RAB6A: variants seen among roughly 807,000 people sequenced by gnomAD.
RAB6A encodes the protein RAB6A, member RAS oncogene family, also known as ras-related protein Rab-6A.
In RAB6A, 8 loss-of-function variants were observed where a neutral mutation model predicts 32.3. The observed-to-expected ratio is 0.25, with a 90% CI of 0.15 to 0.45. RAB6A has a LOEUF of 0.45. Among genes scored for constraint, RAB6A ranks in the 20% least tolerant of loss-of-function variants. RAB6A has a pLI of 1.00. For synonymous variants in RAB6A, 73 were observed against 82.1 expected, an observed-to-expected ratio of 0.89 and a Z score of 0.60; for missense variants, 104 against 249.4, an observed-to-expected ratio of 0.42 and a Z score of 3.93.
chr11:73,719,051 TC>T (rs1293158099), intron 3 of RAB6A, among the ~76,000 whole-genome samples: 3 of 152,014 alleles, frequency 2.0e-5, no homozygotes, highest in Non-Finnish European at 2.9e-5. Flanking sequence ...AACACAAAAC[TC>T]CTTTTTCAAA....
intron 2 of RAB6A, among the ~76,000 whole-genome samples, chr11:73,725,150 T>G (rs906223470): frequency 3.3e-5 from 5 of 152,200 alleles, no homozygotes; most frequent in African/African-American, 1.2e-4. Context: ...ATAAGGGCAT[T>G]CCTGCCTTAT....
chr11:73,735,618 CTTTAA>C (rs758939991), intron 1 of RAB6A, among the ~76,000 whole-genome samples: 3 of 152,048 alleles, frequency 2.0e-5, no homozygotes, highest in Non-Finnish European at 4.4e-5. Context: ...TATCTCAGGC[CTTTAA>C]CAAGGACCAT....
intron 6 of RAB6A, among the ~76,000 whole-genome samples, chr11:73,683,247 C>T (rs891001378): frequency 7.5e-6 from 1 of 132,818 alleles, no homozygotes; most frequent in African/African-American, 2.8e-5. Flanking sequence ...CGATATAGAC[C>T]CATCTTTTTT....
Position 73,676,257 on chromosome 11 carries a change from A to C in RAB6A, c.*1641T>G, listed in dbSNP as rs942525156. 4.8e-5 allele frequency: 8 copies of C among 167,138 alleles called. No individual in the cohort carries two copies. Among genetic ancestry groups the C allele is most frequent in the Non-Finnish European group, 1.2e-4 (8 of 68,130 alleles). 10.4% of individuals were successfully genotyped at this position (167,138 alleles called of 1,614,324 possible). A position where few individuals can be genotyped will look rare whatever the true frequency, so the allele number is the denominator to read the frequency against. Reference sequence around the variant, plus strand: ...TACTGTGTTAAGTAATGCTTACAACATAAATTCAGCAGGCTTTTCCTGAGC... The same window carrying C: ...TACTGTGTTAAGTAATGCTTACAACCTAAATTCAGCAGGCTTTTCCTGAGC... On this transcript the variant is annotated 3_prime_UTR_variant, in exon 8 of 8. Coordinates refer to ENST00000336083, the MANE Select transcript of RAB6A (RefSeq NM_198896.2).
chr11:73,757,094 C>CATACATACATATATATATATATATAT (rs1219774899), intron 1 of RAB6A, among the ~76,000 whole-genome samples: 14 of 70,056 alleles, frequency 2.0e-4, no homozygotes, highest in African/African-American at 8.0e-4. Flanking sequence ...CTTAAATATA[C>CATACATACATATATATATATATATAT]ATACATATAT....
At chr11:73,701,019 A>C (rs951422953) in intron 6 of RAB6A, among the ~76,000 whole-genome samples, 2 of 152,188 alleles carry the variant, frequency 1.3e-5, no homozygotes, top group Admixed American at 1.3e-4. Context: ...TCTCACAATT[A>C]TTTAAAAAGA....
intron 1 of RAB6A, among the ~76,000 whole-genome samples, chr11:73,736,199 C>T (rs7925514): frequency 0.48 from 73,298 of 151,592 alleles, 19,060 homozygotes; most frequent in East Asian, 0.6. Flanking sequence ...GAGGCCAAGG[C>T]GGGCAGATGA....
intron 6 of RAB6A, among the ~76,000 whole-genome samples, chr11:73,681,924 T>C (rs1252584239): frequency 6.6e-6 from 1 of 152,198 alleles, no homozygotes; most frequent in Non-Finnish European, 1.5e-5. Flanking sequence ...TCTAATTGTC[T>C]TGTTTCTATA....
intron 1 of RAB6A, among the ~76,000 whole-genome samples, chr11:73,731,731 TACACAC>T (rs148400595): frequency 1.3e-3 from 22 of 16,984 alleles, no homozygotes; most frequent in South Asian, 9.5e-3. Context: ...TATATATATA[TACACAC>T]ACACACACAT....
chr11:73,682,562 C>G (rs1565343838), intron 6 of RAB6A, among the ~76,000 whole-genome samples: 1 of 152,134 alleles, frequency 6.6e-6, no homozygotes, highest in Non-Finnish European at 1.5e-5. Context: ...ACTAGGGAAG[C>G]TGAGGCAGGA....
intron 5 of RAB6A, among the ~76,000 whole-genome samples, chr11:73,712,881 C>T (rs1201544266): frequency 6.6e-6 from 1 of 151,820 alleles, no homozygotes; most frequent in Non-Finnish European, 1.5e-5. Context: ...CTTCACCTGG[C>T]TAATTTTTAT....
chr11:73,731,901 C>G (rs189200657), intron 1 of RAB6A, among the ~76,000 whole-genome samples: 1 of 150,792 alleles, frequency 6.6e-6, no homozygotes, highest in Admixed American at 6.6e-5. Flanking sequence ...GCCACCATGC[C>G]GAGCTAATTT....
At chr11:73,744,836 A>G (rs1334097043) in intron 1 of RAB6A, among the ~76,000 whole-genome samples, 2 of 151,152 alleles carry the variant, frequency 1.3e-5, no homozygotes, top group African/African-American at 4.9e-5. Context: ...TTAGCTGGGC[A>G]TGGTGATGCA....
At chr11:73,755,222 C>T (rs1012421406) in intron 1 of RAB6A, among the ~76,000 whole-genome samples, 1 of 152,078 alleles carries the variant, frequency 6.6e-6, no homozygotes, top group Admixed American at 6.6e-5. Flanking sequence ...TGAGCCACCA[C>T]GCTCGGCCCT....
chr11:73,742,261 G>A (rs1050050294), intron 1 of RAB6A, among the ~76,000 whole-genome samples: 1 of 151,732 alleles, frequency 6.6e-6, no homozygotes, highest in Admixed American at 6.6e-5. Context: ...CAGCCTGGGC[G>A]ACAGAGCGAG....
chr11:73,681,707 G>A (rs998325136), intron 6 of RAB6A, among the ~76,000 whole-genome samples: 17 of 152,176 alleles, frequency 1.1e-4, no homozygotes, highest in Non-Finnish European at 1.0e-4. Context: ...TACTCGGGAG[G>A]CTGAGGCAGA....
intron 6 of RAB6A, among the ~76,000 whole-genome samples, chr11:73,682,123 G>A (rs1401557602): frequency 6.6e-6 from 1 of 152,014 alleles, no homozygotes; most frequent in African/African-American, 2.4e-5. Flanking sequence ...TATACGGTGG[G>A]TCCATCTGGA....
intron 1 of RAB6A, among the ~76,000 whole-genome samples, chr11:73,757,453 T>A (rs1946779919): frequency 6.6e-6 from 1 of 152,002 alleles, no homozygotes. Flanking sequence ...ATTACAGGCA[T>A]GAACCACCGC....
intron 1 of RAB6A, among the ~76,000 whole-genome samples, chr11:73,749,032 C>T (rs368505225): frequency 1.3e-5 from 2 of 151,720 alleles, no homozygotes; most frequent in Non-Finnish European, 2.9e-5. Context: ...GGCTGAGGCA[C>T]GAGAATCTCT....
Sources: gnomAD v4.1 joint callset for allele counts (sites outside exome capture counted in the v4.1 genomes callset) on GRCh38, gnomAD v4.1.1 for gene constraint, MANE v1.5 for transcripts, NCBI Gene and HGNC (gene_info 2026-07-23, HGNC 2026-07-21) for gene names.